ARHGAP29: variants seen among roughly 807,000 people sequenced by gnomAD.
ARHGAP29 encodes the protein rho GTPase-activating protein 29.
Under a neutral mutation model 122.6 loss-of-function variants are expected in ARHGAP29, and 43 were observed. The ratio of observed to expected loss-of-function variants is 0.35; its 90% CI spans 0.27 to 0.45. The LOEUF (loss-of-function observed/expected upper bound fraction) is 0.45, where lower values mean the gene tolerates loss of function less well. Ranked by LOEUF, ARHGAP29 falls within the 20% of genes least tolerant of loss-of-function variation. ARHGAP29 has a pLI of 1.00. For missense variants in ARHGAP29, 1,303 were observed against 1,477.2 expected (o/e 0.88, Z 1.93); for synonymous variants, 506 against 497.1 (o/e 1.02, Z -0.24).
At chr1:94,243,708 T>C (rs1275533611) in intron 1 of ARHGAP29, among the ~76,000 whole-genome samples, 4 of 151,952 alleles carry the variant, frequency 2.6e-5, no homozygotes, top group Non-Finnish European at 5.9e-5. Context: ...AATCAGTGAT[T>C]TAGAAAACAG....
chr1:94,243,773 G>C (rs1653691865), intron 1 of ARHGAP29, among the ~76,000 whole-genome samples: 1 of 151,542 alleles, frequency 6.6e-6, no homozygotes, highest in Non-Finnish European at 1.5e-5. Flanking sequence ...AGATTAAATT[G>C]ATAAATATCT....
chr1:94,297,417 C>T, the ARHGAP29 span, among the ~76,000 whole-genome samples: 1 of 152,200 alleles, frequency 6.6e-6, no homozygotes, highest in African/African-American at 2.4e-5. Context: ...GCTAACACTT[C>T]TTGAGCACTT....
chr1:94,208,911 A>G lies in ARHGAP29; in HGVS notation c.438-7T>C, dbSNP rs550560986. On this transcript the variant is annotated splice_region_variant and splice_polypyrimidine_tract_variant and intron_variant, in intron 4 of 22. Transcript: ENST00000260526. ...CATAAGGAAGTTTGTAAGGCTATCC[A>G]AGGAGGTTAAAAAAAGAAAGACAAG... 58 of 1,612,082 alleles carry G rather than the reference A, an allele frequency of 3.6e-5. 1 individual carries two copies. The South Asian group carries it at 5.8e-4, about 16-fold the overall frequency.
intron 2 of ARHGAP29, among the ~76,000 whole-genome samples, chr1:94,221,540 T>C (rs1428633504): frequency 1.6e-5 from 2 of 126,174 alleles, no homozygotes; most frequent in African/African-American, 2.8e-5. Flanking sequence ...TTTATATAAG[T>C]ATATATTTTT....
At chr1:94,280,796 A>T in the ARHGAP29 span, among the ~76,000 whole-genome samples, 18 of 152,234 alleles carry the variant, frequency 1.2e-4, no homozygotes, top group Admixed American at 1.0e-3. Flanking sequence ...GCCAGAGCTT[A>T]TCCTGGTTCT....
Position 94,215,135 on chromosome 1 carries a change from C to T in ARHGAP29, c.340+5123G>A, listed in dbSNP as rs796337153. On this transcript the variant is annotated intron_variant, in intron 3 of 22. Coordinates refer to ENST00000260526, the MANE Select transcript of ARHGAP29 (RefSeq NM_004815.4). ...AAAAAAAAAAGAAAATAATAAAATA[C>T]ATAGGGAAAAAAACCAAAAAAGCTA... Among the ~76,000 whole-genome samples, 288 of 139,132 alleles carry T rather than the reference C, an allele frequency of 2.1e-3. 1 individual carries two copies. Among genetic ancestry groups the T allele is most frequent in the African/African-American group, 7.3e-3 (273 of 37,542 alleles). The allele number at this position is 139,132 out of a possible 152,430, so 91.3% of individuals were successfully genotyped here.
At chr1:94,277,689 T>C (rs114973140), upstream of ARHGAP29, among the ~76,000 whole-genome samples, 668 of 152,256 alleles carry the variant, frequency 4.4e-3, no homozygotes, top group Non-Finnish European at 7.2e-3. Context: ...ATATTTTAAT[T>C]TTCCTCTTTC....
intron 22 of ARHGAP29, 80 bp from the exon 23 acceptor site, chr1:94,174,829 A>T: frequency 7.1e-7 from 1 of 1,410,102 alleles, no homozygotes. Flanking sequence ...TGAACACTCT[A>T]TCAAGACAAT....
At chr1:94,275,184 A>G (rs547543625), upstream of ARHGAP29, 2 of 152,208 alleles carry the variant, frequency 1.3e-5, no homozygotes, top group African/African-American at 4.8e-5. Flanking sequence ...AAGCTCCACA[A>G]GTGTGTCTGG....
At chr1:94,239,775 A>AC (rs1653507517), upstream of ARHGAP29, among the ~76,000 whole-genome samples, 1 of 150,312 alleles carries the variant, frequency 6.7e-6, no homozygotes. Context: ...CTGAGGTTTT[A>AC]CCTTAAAAAT....
At chr1:94,275,585 G>T (rs1655152777), upstream of ARHGAP29, among the ~76,000 whole-genome samples, 1 of 152,140 alleles carries the variant, frequency 6.6e-6, no homozygotes, top group African/African-American at 2.4e-5. Context: ...AAACACAGGA[G>T]AATTCTTCAT....
At chr1:94,217,392 G>T (rs1652012246) in intron 3 of ARHGAP29, among the ~76,000 whole-genome samples, 1 of 151,984 alleles carries the variant, frequency 6.6e-6, no homozygotes, top group South Asian at 2.1e-4. Flanking sequence ...AAATTAGGTG[G>T]GTGTGGTGGC....
chr1:94,176,832 C>T (rs1485910825), intron 22 of ARHGAP29: 2 of 152,234 alleles, frequency 1.3e-5, no homozygotes, highest in Non-Finnish European at 2.9e-5. Context: ...GTCTCAAACT[C>T]CTGACCTCAG....
chr1:94,174,863 A>G, intron 22 of ARHGAP29, 114 bp from the exon 23 acceptor site: 1 of 1,203,582 alleles, frequency 8.3e-7, no homozygotes, highest in Non-Finnish European at 1.2e-6. Context: ...ATTTTTTCCA[A>G]AATAATATTC....
At position 94,233,334 on chromosome 1, in the gene ARHGAP29, C is replaced by T. The variant is rs375225040; in HGVS notation, c.-32-1691G>A. On this transcript the variant is annotated intron_variant, in intron 1 of 22. Transcript: ENST00000260526. ...ATCATTTACTCCTTCCTATATCTCA[C>T]CCAACTCCATAGTTCATTTTTCTTT... Among the ~76,000 whole-genome samples, 29 of 152,188 alleles carry T rather than the reference C, an allele frequency of 1.9e-4. No individual in the cohort carries two copies. The South Asian group carries it at 3.5e-3, about 19-fold the overall frequency.
At chr1:94,235,000 G>A (rs906354740) in intron 1 of ARHGAP29, among the ~76,000 whole-genome samples, 5 of 151,886 alleles carry the variant, frequency 3.3e-5, no homozygotes, top group African/African-American at 9.7e-5. Flanking sequence ...AAAACTGCTG[G>A]AACATTTTTA....
At chr1:94,212,485 C>A (rs962372002) in intron 3 of ARHGAP29, among the ~76,000 whole-genome samples, 2 of 152,034 alleles carry the variant, frequency 1.3e-5, no homozygotes, top group Non-Finnish European at 2.9e-5. Flanking sequence ...TAATATAATA[C>A]CATCAAAAAT....
chr1:94,236,780 A>G (rs1448376049), intron 1 of ARHGAP29, among the ~76,000 whole-genome samples: 1 of 152,134 alleles, frequency 6.6e-6, no homozygotes, highest in Non-Finnish European at 1.5e-5. Context: ...ACGAAACCCA[A>G]AAAACACAGA....
At chr1:94,230,315 C>A (rs549724537) in intron 2 of ARHGAP29, among the ~76,000 whole-genome samples, 1 of 151,794 alleles carries the variant, frequency 6.6e-6, no homozygotes, top group African/African-American at 2.4e-5. Context: ...TAATCATCCA[C>A]AATCAGACTT....
Sources: allele counts gnomAD v4.1 joint callset (sites outside exome capture counted in the v4.1 genomes callset), GRCh38; gene constraint gnomAD v4.1.1; transcripts MANE v1.5; gene names NCBI Gene and HGNC (gene_info 2026-07-23, HGNC 2026-07-21).